The following MYO9A variants were observed in gnomAD, a reference collection of about 807,000 sequenced individuals.
MYO9A encodes the protein myosin IXA.
A neutral mutation model predicts 293.3 loss-of-function variants in MYO9A; 103 were observed. The observed-to-expected ratio is 0.35, with a 90% CI of 0.30 to 0.41. The LOEUF (loss-of-function observed/expected upper bound fraction) is 0.41. MYO9A is among the 10% of genes least tolerant of loss of function. The probability of loss-of-function intolerance (pLI) is 1.00; values close to 1 mark genes in which losing one functional copy is unlikely to be tolerated. For synonymous variants in MYO9A, 1,001 were observed against 1,035.7 expected (o/e 0.97, Z 0.64); for missense variants, 2,685 against 3,033.0 (o/e 0.89, Z 2.69).
In MYO9A at chr15:71,898,031, T is replaced by C; in HGVS notation, c.4472A>G (p.Glu1491Gly). The change falls in exon 25 of 42, where the codon GAA becomes GGA. Residue 1491 changes from glutamate to glycine, a missense_variant. Physicochemically the swap from Glu to Gly is moderately conservative, Grantham distance 98 (BLOSUM62 -2). Transcript: ENST00000356056. The part of the protein sequence containing the change: ...ESSNPVLKKL[E>G]KLNTEKEERQ... ...TTCTTCCTTCTCAGTGTTTAGCTTT[T>C]CTAACTTCTTAAGCACAGGATTAGA... is the stretch of plus-strand genomic sequence containing the variant. The C allele has an allele frequency of 6.2e-7, 1 of 1,614,182 alleles. No homozygotes were observed. Among genetic ancestry groups the C allele is most frequent in the Non-Finnish European group, 8.5e-7 (1 of 1,180,042 alleles).
At position 72,096,409 on chromosome 15, in the gene MYO9A, T is replaced by C. The variant is rs565621226; in HGVS notation, c.-72+21271A>G. On this transcript the variant is annotated intron_variant, in intron 1 of 41. Transcript: ENST00000356056. The stretch of plus-strand genomic sequence containing the variant: ...TCTAAATGGAAAAACAAAGCCTGAA[T>C]GACAACACATCTGTTGACAGTAAGG... Among the ~76,000 whole-genome samples the C allele has an allele frequency of 4.6e-5, 7 of 152,276 alleles. No homozygotes were observed. The East Asian group carries it at 1.4e-3, about 29-fold the overall frequency.
chr15:71,994,057 A>T (rs571916599), intron 10 of MYO9A, among the ~76,000 whole-genome samples: 1 of 152,212 alleles, frequency 6.6e-6, no homozygotes, highest in Non-Finnish European at 1.5e-5. Flanking sequence ...TGTTTATAAC[A>T]ATAAAACAAA....
In MYO9A at chr15:71,899,732, A is replaced by T; in HGVS notation, c.3425T>A (p.Ile1142Asn). Residue 1142 changes from isoleucine to asparagine, a missense_variant, in exon 24 of 42, where the codon ATT (isoleucine) becomes AAT (asparagine). Around this residue, in one of 10 missense-constraint regions of MYO9A, gnomAD observed 1,434 missense variants for 1,497.7 expected, o/e 0.96. Coordinates refer to ENST00000356056, the MANE Select transcript of MYO9A (RefSeq NM_006901.4). ...SKRYQEQRKK[I>N]ILLQSTCRGF... is the part of the protein sequence containing the mutation. ...TCTACATGTTGATTGCAAAAGGATA[A>T]TTTTTTTCCTTTGTTCTTGGTACCT... The T allele has an allele frequency of 6.2e-7, 1 of 1,613,846 alleles. No homozygotes were observed. The highest frequency in any genetic ancestry group is 8.5e-7 in the Non-Finnish European group (1 of 1,179,966).
At chr15:71,928,509 G>C (rs901195062) in intron 18 of MYO9A, among the ~76,000 whole-genome samples, 6 of 151,908 alleles carry the variant, frequency 3.9e-5, no homozygotes, top group African/African-American at 1.2e-4. Flanking sequence ...GGATTGCACT[G>C]AATCAGTGAA....
intron 11 of MYO9A, among the ~76,000 whole-genome samples, chr15:71,990,862 ACT>A (rs1282610175): frequency 6.6e-6 from 1 of 152,072 alleles, no homozygotes; most frequent in Non-Finnish European, 1.5e-5. Flanking sequence ...CTACCAGACT[ACT>A]CTGTTTTATC....
chr15:71,874,914 A>G lies in MYO9A; in HGVS notation c.5979+877T>C, dbSNP rs8041246. Among the ~76,000 whole-genome samples, 1,102 of 152,300 alleles carry G rather than the reference A, an allele frequency of 7.2e-3. 9 individuals are homozygous for G. The highest frequency in any genetic ancestry group is 9.8e-3 in the Non-Finnish European group (665 of 68,018). ...ACTACTCACTTGTCAAGAATTAGCA[A>G]AAGTATTTTTCTCTTCTGTAAACTA... On this transcript the variant is annotated intron_variant, in intron 32 of 41. Transcript: ENST00000356056.
At chr15:72,001,487 G>A (rs1173848063) in intron 8 of MYO9A, among the ~76,000 whole-genome samples, 2 of 138,410 alleles carry the variant, frequency 1.4e-5, no homozygotes, top group Non-Finnish European at 3.0e-5. Flanking sequence ...CCGGGAGGCA[G>A]AAGTTGCAGT....
At chr15:72,040,376 G>A (rs1191011667) in intron 2 of MYO9A, 1 of 152,288 alleles carries the variant, frequency 6.6e-6, no homozygotes, top group South Asian at 2.1e-4. Context: ...AGGAAGACAG[G>A]GTGAAGACTT....
intron 11 of MYO9A, among the ~76,000 whole-genome samples, chr15:71,987,341 TTCAAG>T (rs978468723): frequency 1.3e-5 from 2 of 151,944 alleles, no homozygotes; most frequent in Non-Finnish European, 2.9e-5. Context: ...TTCAGTTCAA[TTCAAG>T]TCCTCTGCTA....
At chr15:72,045,683 A>C in intron 2 of MYO9A, 41 bp downstream of exon 2, 2 of 1,523,094 alleles carry the variant, frequency 1.3e-6, no homozygotes, top group Non-Finnish European at 1.8e-6. Flanking sequence ...AAAGGATAAA[A>C]ATCAAAATTA....
chr15:71,858,680 G>C (rs1022716242), intron 34 of MYO9A: 8 of 124,952 alleles, frequency 6.4e-5, no homozygotes, highest in African/African-American at 2.5e-4. Context: ...ACAGGAAGGG[G>C]AACATCACAC....
chr15:71,851,309 A>G lies in MYO9A; in HGVS notation c.6525T>C (p.Asp2175=), dbSNP rs1166605496. 1.9e-6 allele frequency: 3 copies of G among 1,614,030 alleles called. No homozygotes were observed. The South Asian group carries it at 3.3e-5, about 18-fold the overall frequency. ...ETIRGVYSVI[D]QLSRTHLNTL... is the part of the protein sequence containing the mutation. ...TATTGAGATGAGTTCGGGAGAGTTG[A>G]TCAATCACAGAGTATACACCACGGA... The change falls in exon 37 of 42, where the codon GAT becomes GAC. Residue 2175 remains aspartate (D), a synonymous_variant. Coordinates refer to ENST00000356056, the MANE Select transcript of MYO9A (RefSeq NM_006901.4).
intron 26 of MYO9A, chr15:71,892,745 G>T: frequency 4.0e-6 from 1 of 251,654 alleles, no homozygotes; most frequent in Non-Finnish European, 7.7e-6. Context: ...CTACATTAGT[G>T]CCAAGTCAAA....
intron 8 of MYO9A, among the ~76,000 whole-genome samples, chr15:72,005,961 A>C (rs191447745): frequency 2.8e-4 from 42 of 152,326 alleles, no homozygotes; most frequent in Admixed American, 4.6e-4. Context: ...CAAAAACTGG[A>C]AACAACCAAA....
At chr15:72,092,672 G>A (rs1023576002) in intron 1 of MYO9A, among the ~76,000 whole-genome samples, 1 of 152,294 alleles carries the variant, frequency 6.6e-6, no homozygotes, top group Non-Finnish European at 1.5e-5. Flanking sequence ...GTTGTAGCAT[G>A]AAAACAGCCA....
intron 18 of MYO9A, among the ~76,000 whole-genome samples, chr15:71,927,852 CA>C (rs1468480512): frequency 6.7e-6 from 1 of 150,152 alleles, no homozygotes; most frequent in East Asian, 2.0e-4. Flanking sequence ...CCAGTTTTCC[CA>C]ACATCATTTA....
chr15:71,950,469 A>C (rs1302371987), intron 15 of MYO9A: 1 of 152,232 alleles, frequency 6.6e-6, no homozygotes, highest in Non-Finnish European at 1.5e-5. Flanking sequence ...AAGTGTTCCA[A>C]AATGTTTTAT....
chr15:72,017,617 G>A (rs2077383040), intron 6 of MYO9A, among the ~76,000 whole-genome samples: 1 of 151,992 alleles, frequency 6.6e-6, no homozygotes, highest in Non-Finnish European at 1.5e-5. Context: ...ACTTGGTTAT[G>A]TAATAGTAAT....
intron 26 of MYO9A, chr15:71,892,900 T>C: frequency 5.8e-6 from 6 of 1,035,606 alleles, no homozygotes; most frequent in Non-Finnish European, 7.5e-6. Flanking sequence ...AGGTTAGCTT[T>C]AGATTAGCAA....
Sources: gnomAD v4.1 joint callset for allele counts (sites outside exome capture counted in the v4.1 genomes callset) on GRCh38, gnomAD v4.1.1 for gene constraint, gnomAD v4.1.1 regional missense constraint, MANE v1.5 for transcripts, NCBI Gene and HGNC (gene_info 2026-07-23, HGNC 2026-07-21) for gene names.